GUCY1A2: variants seen among roughly 807,000 people sequenced by gnomAD.
GUCY1A2 encodes the protein guanylate cyclase 1 soluble subunit alpha 2.
A neutral mutation model predicts 63.5 loss-of-function variants in GUCY1A2; 27 were observed. That is an observed-to-expected ratio of 0.43 (90% confidence interval 0.31 to 0.59). GUCY1A2 has a LOEUF of 0.59. GUCY1A2 is among the 20% of genes least tolerant of loss of function. GUCY1A2 has a pLI of 0.11. For missense variants in GUCY1A2, 768 were observed against 913.3 expected (o/e 0.84, Z 2.05); for synonymous variants, 364 against 343.5 (o/e 1.06, Z -0.66).
intron 3 of GUCY1A2, among the ~76,000 whole-genome samples, chr11:106,944,268 A>C (rs1033252796): frequency 3.0e-5 from 4 of 131,738 alleles, no homozygotes; most frequent in Non-Finnish European, 6.5e-5. Context: ...AACATGCCTA[A>C]ACCCTGTCTT....
At chr11:106,970,763 G>C (rs1210102731) in intron 3 of GUCY1A2, among the ~76,000 whole-genome samples, 1 of 151,998 alleles carries the variant, frequency 6.6e-6, no homozygotes, top group Non-Finnish European at 1.5e-5. Context: ...ATAAAAACTT[G>C]CAAGTGAATG....
intron 6 of GUCY1A2, among the ~76,000 whole-genome samples, chr11:106,725,149 A>AATCTTTT (rs1863383111): frequency 1.7e-5 from 1 of 59,840 alleles, no homozygotes; most frequent in Non-Finnish European, 3.1e-5. Flanking sequence ...ATTGACATAA[A>AATCTTTT]TTCTTTTTTT....
chr11:106,757,716 C>T (rs1451038875), intron 6 of GUCY1A2, among the ~76,000 whole-genome samples: 1 of 152,194 alleles, frequency 6.6e-6, no homozygotes, highest in Non-Finnish European at 1.5e-5. Flanking sequence ...CTGATCGTTC[C>T]TCTGGAAGCT....
chr11:106,920,671 T>A (rs927383832), intron 4 of GUCY1A2, among the ~76,000 whole-genome samples: 1 of 152,168 alleles, frequency 6.6e-6, no homozygotes, highest in Non-Finnish European at 1.5e-5. Flanking sequence ...GACACTTAAA[T>A]AGACACTAAA....
intron 4 of GUCY1A2, among the ~76,000 whole-genome samples, chr11:106,916,265 G>GA (rs1860368609): frequency 1.4e-5 from 2 of 145,262 alleles, no homozygotes; most frequent in East Asian, 4.2e-4. Flanking sequence ...GTTGTTCAGG[G>GA]AAAAATCAAA....
At chr11:106,869,386 T>C (rs1038800220) in intron 4 of GUCY1A2, among the ~76,000 whole-genome samples, 1 of 152,102 alleles carries the variant, frequency 6.6e-6, no homozygotes, top group Admixed American at 6.6e-5. Context: ...ATCCAGAATC[T>C]ACAAAGTACT....
In GUCY1A2 at chr11:106,722,158, A is replaced by T. The variant is rs11211881; in HGVS notation, c.1837-13492T>A. 1.5e-3 allele frequency among the ~76,000 whole-genome samples: 231 copies of T among 152,248 alleles called. 2 individuals carry two copies. Among genetic ancestry groups the T allele is most frequent in the East Asian group, 0.012 (63 of 5,164 alleles). ...CTCTTCTAAATACTTGCAGCATGAT[A>T]TTTTTGACACCAAAGGGACTGGATG... On this transcript the variant is annotated intron_variant, in intron 6 of 7. Transcript: ENST00000526355.
rs139749408 is a variant in GUCY1A2, at chr11:106,919,201, A to C, written c.1206+20259T>G. 4.2e-3 allele frequency among the ~76,000 whole-genome samples: 635 copies of C among 152,260 alleles called. 3 individuals are homozygous for C. The highest frequency in any genetic ancestry group is 0.014 in the African/African-American group (567 of 41,556). ...TTTTTGTCCAATGCTCATGTTCAAA[A>C]ACATGAAGAAACATAAGAATATATA... On this transcript the variant is annotated intron_variant, in intron 4 of 7. Coordinates refer to ENST00000526355, the MANE Select transcript of GUCY1A2 (RefSeq NM_000855.3).
chr11:106,799,835 G>A (rs2135417997), intron 5 of GUCY1A2, among the ~76,000 whole-genome samples: 1 of 152,244 alleles, frequency 6.6e-6, no homozygotes, highest in African/African-American at 2.4e-5. Context: ...GCATGGGCAA[G>A]GACTTCATGT....
At chr11:106,775,996 C>T (rs1041454478) in intron 6 of GUCY1A2, among the ~76,000 whole-genome samples, 22 of 152,276 alleles carry the variant, frequency 1.4e-4, no homozygotes, top group African/African-American at 5.1e-4. Context: ...ACAAGAAAAA[C>T]TCCAGAAGTA....
In GUCY1A2 at chr11:107,018,114, AGGCGGCGGT is replaced by A. The variant is rs1460573963; in HGVS notation, c.-68_-60del. ...GCGGCGAGGACGCGAGCGGCGGCGGAGGCGGCGGTGGCGGGACCGGCAAGCGACAACGTT... is the reference window on the plus strand; with the variant it reads ...GCGGCGAGGACGCGAGCGGCGGCGGAGGCGGGACCGGCAAGCGACAACGTT... On this transcript the variant is annotated 5_prime_UTR_variant, in exon 1 of 8. Transcript: ENST00000526355. 30 of 1,183,072 alleles carry A rather than the reference AGGCGGCGGT, an allele frequency of 2.5e-5. 1 individual carries two copies. In the South Asian group the frequency reaches 3.8e-4, roughly 15 times the overall value. 73.3% of individuals were successfully genotyped at this position (1,183,072 alleles called of 1,614,324 possible). A position where few individuals can be genotyped will look rare whatever the true frequency, so the allele number is the denominator to read the frequency against.
At chr11:106,906,198 A>T (rs2119844799) in intron 4 of GUCY1A2, among the ~76,000 whole-genome samples, 1 of 152,292 alleles carries the variant, frequency 6.6e-6, no homozygotes, top group South Asian at 2.1e-4. Flanking sequence ...TATCCATCTG[A>T]CAAAGGGCTA....
At chr11:106,922,008 C>T (rs963623536) in intron 4 of GUCY1A2, among the ~76,000 whole-genome samples, 2 of 152,116 alleles carry the variant, frequency 1.3e-5, no homozygotes, top group African/African-American at 4.8e-5. Context: ...ATCAGCTCAA[C>T]CCCCAAAAAG....
intron 4 of GUCY1A2, among the ~76,000 whole-genome samples, chr11:106,937,086 C>CCT (rs1860689334): frequency 6.6e-6 from 1 of 152,026 alleles, no homozygotes. Context: ...ACTTTACTGA[C>CCT]CATAGTATCA....
chr11:106,755,553 TC>T (rs1269033678), intron 6 of GUCY1A2, among the ~76,000 whole-genome samples: 1 of 152,226 alleles, frequency 6.6e-6, no homozygotes, highest in Admixed American at 6.5e-5. Context: ...TGTGTCTTTG[TC>T]TTCATTGGTT....
At chr11:106,997,628 C>CA (rs1491469914) in intron 1 of GUCY1A2, among the ~76,000 whole-genome samples, 21 of 112,852 alleles carry the variant, frequency 1.9e-4, no homozygotes, top group African/African-American at 7.2e-4. Flanking sequence ...CCCCCCCCCC[C>CA]CACCCGAGCA....
chr11:106,756,354 G>A (rs1228817025), intron 6 of GUCY1A2, among the ~76,000 whole-genome samples: 1 of 152,126 alleles, frequency 6.6e-6, no homozygotes, highest in African/African-American at 2.4e-5. Flanking sequence ...TACATTTAAG[G>A]TTAATACTGT....
At chr11:106,725,157 T>TGGCTAAAATTCTAACTG (rs1565270054) in intron 6 of GUCY1A2, among the ~76,000 whole-genome samples, 1 of 21,968 alleles carries the variant, frequency 4.6e-5, no homozygotes, top group African/African-American at 3.6e-4. Context: ...AAATTCTTTT[T>TGGCTAAAATTCTAACTG]TTTTTTTTTT....
intron 1 of GUCY1A2, among the ~76,000 whole-genome samples, chr11:106,996,903 G>A (rs532103632): frequency 2.4e-4 from 37 of 152,138 alleles, no homozygotes; most frequent in Non-Finnish European, 4.4e-4. Flanking sequence ...GATATAAAAC[G>A]TGCTTACTAG....
Sources: gnomAD v4.1 joint callset for allele counts (sites outside exome capture counted in the v4.1 genomes callset) on GRCh38, gnomAD v4.1.1 for gene constraint, MANE v1.5 for transcripts, NCBI Gene and HGNC (gene_info 2026-07-23, HGNC 2026-07-21) for gene names.